The following CNNM2 variants were observed in gnomAD, a reference collection of about 807,000 sequenced individuals.
CNNM2 encodes the protein metal transporter CNNM2.
A neutral mutation model predicts 66.9 loss-of-function variants in CNNM2; 12 were observed. The observed-to-expected ratio is 0.18, with a 90% CI of 0.11 to 0.29. CNNM2 has a LOEUF of 0.29. CNNM2 is among the 10% of genes least tolerant of loss of function. CNNM2 has a pLI of 1.00. For missense variants in CNNM2, 705 were observed against 1,167.7 expected (o/e 0.60, Z 5.77); for synonymous variants, 557 against 501.8 (o/e 1.11, Z -1.47).
Position 103,078,196 on chromosome 10 carries a change from T to C in CNNM2, c.*1016T>C, listed in dbSNP as rs897867499. 2.0e-5 allele frequency: 3 copies of C among 152,278 alleles called. No individual in the cohort carries two copies. Among genetic ancestry groups the C allele is most frequent in the Admixed American group, 1.3e-4 (2 of 15,288 alleles). 9.4% of individuals were successfully genotyped at this position (152,278 alleles called of 1,614,324 possible). ...CTCCCCTTCCCACTAGAACATACTT[T>C]AACAGAAAACGAGTCGGACCTTCTA... On this transcript the variant is annotated 3_prime_UTR_variant, in exon 8 of 8. Transcript: ENST00000369878.
At chr10:102,965,928 GA>G (rs1012273305) in intron 1 of CNNM2, among the ~76,000 whole-genome samples, 28 of 148,014 alleles carry the variant, frequency 1.9e-4, no homozygotes, top group East Asian at 7.8e-4. Flanking sequence ...TTCTTCAGGG[GA>G]AAAAAAAAAT....
chr10:103,049,865 C>G lies in CNNM2; in HGVS notation c.1765+15C>G, dbSNP rs375908935. ...AGATTTATACAGTAAGTAGCATTGTCTGAGTGTATTTCCCGAAACCTTTGC... is the reference window on the plus strand; with the variant it reads ...AGATTTATACAGTAAGTAGCATTGTGTGAGTGTATTTCCCGAAACCTTTGC... On this transcript the variant is annotated intron_variant, in intron 2 of 7. Coordinates refer to ENST00000369878, the MANE Select transcript of CNNM2 (RefSeq NM_017649.5). 6.2e-6 allele frequency: 10 copies of G among 1,609,706 alleles called. No individual in the cohort carries two copies. Among genetic ancestry groups the G allele is most frequent in the Non-Finnish European group, 8.5e-6 (10 of 1,177,458 alleles).
At position 103,004,112 on chromosome 10, in the gene CNNM2, C is replaced by T. The variant is rs185014581; in HGVS notation, c.1622-45595C>T. On this transcript the variant is annotated intron_variant, in intron 1 of 7. Coordinates refer to ENST00000369878, the MANE Select transcript of CNNM2 (RefSeq NM_017649.5). ...CCCCGCCCCGGGTTCAAGCGATTCT[C>T]CTACCTCAGCCTCCCAAGTAGCTGG... Among the ~76,000 whole-genome samples, 63 of 126,558 alleles carry T rather than the reference C, an allele frequency of 5.0e-4. 1 individual carries two copies. The East Asian group carries it at 0.014, about 27-fold the overall frequency. The allele number at this position is 126,558 out of a possible 152,430, so 83.0% of individuals were successfully genotyped here.
At chr10:102,999,844 C>G (rs1246222763) in intron 1 of CNNM2, among the ~76,000 whole-genome samples, 1 of 152,218 alleles carries the variant, frequency 6.6e-6, no homozygotes, top group East Asian at 1.9e-4. Context: ...GATGTTACCT[C>G]AGACCCATTC....
At chr10:102,955,404 C>G (rs1475086378) in intron 1 of CNNM2, among the ~76,000 whole-genome samples, 1 of 152,128 alleles carries the variant, frequency 6.6e-6, no homozygotes, top group Non-Finnish European at 1.5e-5. Flanking sequence ...AATGTTAGAC[C>G]TAAAACCATA....
chr10:103,006,833 A>G (rs1264251384), intron 1 of CNNM2, among the ~76,000 whole-genome samples: 3 of 152,144 alleles, frequency 2.0e-5, no homozygotes, highest in Admixed American at 1.3e-4. Context: ...GGGTCTCGCT[A>G]TGTTGCCCAG....
intron 1 of CNNM2, among the ~76,000 whole-genome samples, chr10:102,952,054 C>T (rs903705930): frequency 1.4e-4 from 21 of 151,900 alleles, no homozygotes; most frequent in African/African-American, 3.4e-4. Context: ...CCACCCACCT[C>T]GGCCTCCCAA....
intron 4 of CNNM2, among the ~76,000 whole-genome samples, chr10:103,064,806 G>C (rs1010773303): frequency 3.3e-5 from 5 of 152,166 alleles, no homozygotes; most frequent in Non-Finnish European, 7.3e-5. Context: ...GGTGCGGTGA[G>C]CCATGATTGC....
chr10:102,956,391 C>G (rs2075043346), intron 1 of CNNM2, among the ~76,000 whole-genome samples: 2 of 151,246 alleles, frequency 1.3e-5, no homozygotes, highest in Admixed American at 1.3e-4. Context: ...ACTAGTTCAA[C>G]TATTGTGGAA....
chr10:102,922,970 CT>C (rs1169364193), intron 1 of CNNM2, among the ~76,000 whole-genome samples: 1 of 151,528 alleles, frequency 6.6e-6, no homozygotes, highest in East Asian at 1.9e-4. Context: ...CAAAATTGTC[CT>C]TCCTAGTTAA....
At chr10:103,030,292 T>C (rs766982293) in intron 1 of CNNM2, among the ~76,000 whole-genome samples, 4 of 152,094 alleles carry the variant, frequency 2.6e-5, no homozygotes, top group African/African-American at 7.2e-5. Context: ...ATGTTCAGAT[T>C]TGGTCTTTAA....
At position 103,086,042 on chromosome 10, in the gene CNNM2, G is replaced by A. The variant is rs1478244484; in HGVS notation, c.*8862G>A. On this transcript the variant is annotated 3_prime_UTR_variant, in exon 8 of 8. Coordinates refer to ENST00000369878, the MANE Select transcript of CNNM2 (RefSeq NM_017649.5). ...TTCTTGTTACGGGAGGTGCGTGACG[G>A]GGCAGCGGGGGTTTCTGGAAGTCAC... 1 of 152,402 alleles carries A rather than the reference G, an allele frequency of 6.6e-6. No individual in the cohort carries two copies. 9.4% of individuals were successfully genotyped at this position (152,402 alleles called of 1,614,324 possible).
Position 103,085,858 on chromosome 10 carries a change from CATT to C in CNNM2, c.*8679_*8681del, listed in dbSNP as rs2065800863. 1 of 152,116 alleles carries C rather than the reference CATT, an allele frequency of 6.6e-6. No individual in the cohort carries two copies. The highest frequency in any genetic ancestry group is 6.6e-5 in the Admixed American group (1 of 15,266). 9.4% of individuals were successfully genotyped at this position (152,116 alleles called of 1,614,324 possible). ...GACTGTTGTGGCCTTGGGATGAAGA[CATT>C]GTGTGTGAGGACAGGGAAAAATGGT... On this transcript the variant is annotated 3_prime_UTR_variant, in exon 8 of 8. Coordinates refer to ENST00000369878, the MANE Select transcript of CNNM2 (RefSeq NM_017649.5).
Position 103,054,358 on chromosome 10 carries a change from C to T in CNNM2, c.1795C>T (p.His599Tyr). 1 of 1,613,904 alleles carries T rather than the reference C, an allele frequency of 6.2e-7. No individual in the cohort carries two copies. Among genetic ancestry groups the T allele is most frequent in the Non-Finnish European group, 8.5e-7 (1 of 1,179,868 alleles). Reference protein sequence around the residue: ...TDNRTKKKVAHRERKQDFSAF... With the variant: ...TDNRTKKKVAYRERKQDFSAF... ...CAACAGAACGAAAAAGAAAGTGGCT[C>T]ACCGGGAACGAAAGCAAGATTTTTC... Residue 599 changes from histidine to tyrosine, a missense_variant, in exon 3 of 8, where the codon CAC (histidine) becomes TAC (tyrosine). His to Tyr is a moderately conservative substitution (Grantham distance 83). Coordinates refer to ENST00000369878, the MANE Select transcript of CNNM2 (RefSeq NM_017649.5). This position sits in a 1 kb window ranked among gnomAD's most constrained non-coding sequence, Gnocchi z 5.2.
chr10:102,988,818 TC>T (rs2063844625), intron 1 of CNNM2, among the ~76,000 whole-genome samples: 1 of 152,194 alleles, frequency 6.6e-6, no homozygotes, highest in Admixed American at 6.5e-5. Context: ...GGTGCTTTGA[TC>T]AATAAGTTTG....
At chr10:103,023,526 C>T (rs958225304) in intron 1 of CNNM2, among the ~76,000 whole-genome samples, 4 of 152,160 alleles carry the variant, frequency 2.6e-5, no homozygotes, top group East Asian at 1.9e-4. Flanking sequence ...CCAGCCTGGG[C>T]GACAAGAGTG....
chr10:102,923,666 A>G (rs1845740460), intron 1 of CNNM2, among the ~76,000 whole-genome samples: 1 of 152,204 alleles, frequency 6.6e-6, no homozygotes, highest in South Asian at 2.1e-4. Flanking sequence ...GGTGTTGTGC[A>G]TAACAACTGG....
At chr10:103,011,509 A>G (rs1047887664) in intron 1 of CNNM2, among the ~76,000 whole-genome samples, 1 of 152,148 alleles carries the variant, frequency 6.6e-6, no homozygotes, top group African/African-American at 2.4e-5. Flanking sequence ...TCTAAGAAAC[A>G]GTGTATTATA....
Position 102,975,479 on chromosome 10 carries a change from A to AC in CNNM2, c.1621+55378_1621+55379insC, listed in dbSNP as rs72050190. On this transcript the variant is annotated intron_variant, in intron 1 of 7. Transcript: ENST00000369878. ...TGTGGGATGGAATTAGAAAAAAAAAAAAAAAAAAACAAACCTCCACAGAGT... is the reference window on the plus strand; with the variant it reads ...TGTGGGATGGAATTAGAAAAAAAAAACAAAAAAAAACAAACCTCCACAGAGT... Among the ~76,000 whole-genome samples, 13,464 of 150,610 alleles carry AC rather than the reference A, an allele frequency of 0.089. 858 individuals carry two copies. The highest frequency in any genetic ancestry group is 0.28 in the East Asian group (1,398 of 5,078).
Sources: gnomAD v4.1 joint callset for allele counts (sites outside exome capture counted in the v4.1 genomes callset) on GRCh38, gnomAD v4.1.1 for gene constraint, Gnocchi (gnomAD v3.1) non-coding constraint, MANE v1.5 for transcripts, NCBI Gene and HGNC (gene_info 2026-07-23, HGNC 2026-07-21) for gene names.